NUDT18: variants seen among roughly 807,000 people sequenced by gnomAD.
NUDT18 encodes the protein nudix hydrolase 18, also known as 8-oxo-dGDP phosphatase NUDT18.
A neutral mutation model predicts 27.6 loss-of-function variants in NUDT18; 26 were observed. The observed-to-expected ratio is 0.94, with a 90% CI of 0.69 to 1.31. NUDT18 has a LOEUF of 1.31. Among genes scored for constraint, NUDT18 ranks in the 50% most tolerant of loss-of-function variants. The pLI, the probability that NUDT18 is intolerant of heterozygous loss-of-function variation, is 0.00. For synonymous variants in NUDT18, 220 were observed against 196.9 expected (o/e 1.12, Z -0.98); for missense variants, 450 against 433.4 (o/e 1.04, Z -0.34).
Position 22,107,970 on chromosome 8 carries a change from A to G in NUDT18, c.377-75T>C. 5 of 1,392,250 alleles carry G rather than the reference A, an allele frequency of 3.6e-6. No homozygotes were observed. The South Asian group carries it at 4.3e-5, about 12-fold the overall frequency. The allele number at this position is 1,392,250 out of a possible 1,614,324, so 86.2% of individuals were successfully genotyped here. On this transcript the variant is annotated intron_variant, in intron 2 of 2. Transcript: ENST00000611621. ...TGCAGCTCTGGCAGAGTCAACAGAC[A>G]TCCCTGACCCAGGAGAGAGGCCCCC...
rs1313178444 is a variant in NUDT18, at chr8:22,108,200, C to T, written c.309G>A (p.Glu103=). The change falls in exon 2 of 3, where the codon GAG becomes GAA. Residue 103 remains glutamate (E), a synonymous_variant. Coordinates refer to ENST00000611621, the MANE Select transcript of NUDT18 (RefSeq NM_024815.4). ...CCCGCTCCTCCACGGACAGCAGTGT[C>T]TCGGGCTCACAGTGCAGCCCCGCCT... is the stretch of plus-strand genomic sequence containing the variant. ...KEEAGLHCEP[E]TLLSVEERGP... 1 of 1,592,610 alleles carries T rather than the reference C, an allele frequency of 6.3e-7. No homozygotes were observed. The highest frequency in any genetic ancestry group is 8.5e-7 in the Non-Finnish European group (1 of 1,170,372).
At chr8:22,107,984 A>G (rs1489373817) in intron 2 of NUDT18, 89 bp from the exon 3 acceptor site, 2 of 1,366,426 alleles carry the variant, frequency 1.5e-6, no homozygotes, top group Non-Finnish European at 2.0e-6. Flanking sequence ...CTGACCCAGG[A>G]GAGAGGCCCC....
chr8:22,109,767 G>A (rs751127998), upstream of NUDT18: 2 of 456,082 alleles, frequency 4.4e-6, no homozygotes, highest in South Asian at 3.1e-5. Context: ...ATCCGGTGAC[G>A]TCACGGAGGC....
chr8:22,109,971 T>C (rs1826444420), upstream of NUDT18: 1 of 296,898 alleles, frequency 3.4e-6, no homozygotes, highest in Non-Finnish European at 6.7e-6. Flanking sequence ...ATGGACGGAG[T>C]CCTAGATGAG....
At position 22,109,395 on chromosome 8, in the gene NUDT18, C is replaced by CGGAGACCGCTCCCAGTCCCTGA; in HGVS notation, c.-96_-95insTCAGGGACTGGGAGCGGTCTCC. ...CTGCGGAGCCCGCTCCCAGTCCCTGCGGCAGCGGGCCGGGAGCTCACGAGA... is the reference window on the plus strand; with the variant it reads ...CTGCGGAGCCCGCTCCCAGTCCCTGCGGAGACCGCTCCCAGTCCCTGAGGCAGCGGGCCGGGAGCTCACGAGA... On this transcript the variant is annotated 5_prime_UTR_variant, in exon 1 of 3. Coordinates refer to ENST00000611621, the MANE Select transcript of NUDT18 (RefSeq NM_024815.4). The CGGAGACCGCTCCCAGTCCCTGA allele has an allele frequency of 2.5e-6, 3 of 1,200,578 alleles. No homozygotes were observed. The highest frequency in any genetic ancestry group is 3.2e-6 in the Non-Finnish European group (3 of 929,812). The allele number at this position is 1,200,578 out of a possible 1,614,324, so 74.4% of individuals were successfully genotyped here.
At position 22,109,312 on chromosome 8, in the gene NUDT18, G is replaced by C; in HGVS notation, c.-12C>G. ...CCCTCCGAGGCCATCGGGTCCCCCGGGGGGCGGCGGGCCGGATCCTCGCAG... is the reference window on the plus strand; with the variant it reads ...CCCTCCGAGGCCATCGGGTCCCCCGCGGGGCGGCGGGCCGGATCCTCGCAG... On this transcript the variant is annotated 5_prime_UTR_variant, in exon 1 of 3. Coordinates refer to ENST00000611621, the MANE Select transcript of NUDT18 (RefSeq NM_024815.4). The C allele has an allele frequency of 1.5e-6, 2 of 1,338,052 alleles. No homozygotes were observed. Among genetic ancestry groups the C allele is most frequent in the South Asian group, 1.9e-5 (1 of 52,526 alleles). 82.9% of individuals were successfully genotyped at this position (1,338,052 alleles called of 1,614,324 possible).
upstream of NUDT18, chr8:22,109,687 G>A (rs1051173317): frequency 1.9e-5 from 9 of 464,518 alleles, no homozygotes; most frequent in African/African-American, 1.8e-4. Context: ...GTCTGCAGGA[G>A]CTCCGACGGT....
At chr8:22,108,670 T>G (rs1049501081) in intron 1 of NUDT18, among the ~76,000 whole-genome samples, 30 of 152,352 alleles carry the variant, frequency 2.0e-4, no homozygotes, top group Middle Eastern at 3.4e-3. Context: ...TACCTGCCAC[T>G]GTGTATCTCT....
At chr8:22,108,424 G>C in intron 1 of NUDT18, 78 bp from the exon 2 acceptor site, 1 of 1,287,608 alleles carries the variant, frequency 7.8e-7, no homozygotes. Flanking sequence ...AAACACAGTC[G>C]CCCAAGACTC....
upstream of NUDT18, chr8:22,109,730 G>A (rs1254048482): frequency 1.1e-5 from 5 of 457,992 alleles, no homozygotes; most frequent in South Asian, 6.2e-5. Flanking sequence ...GCGTTGCGCC[G>A]CCGGGGTAGG....
rs1826400062 is a variant in NUDT18, at chr8:22,108,160, G to A, written c.349C>T (p.Arg117Cys). ...SVEERGPSWV[R>C]FVFLARPTGG... is the part of the protein sequence containing the mutation. The stretch of plus-strand genomic sequence containing the variant: ...GTGGGGCGAGCGAGGAACACGAAGC[G>A]GACCCAGGAGGGGCCCCGCTCCTCC... The change falls in exon 2 of 3, where the codon CGC becomes TGC. Residue 117 changes from arginine to cysteine, a missense_variant. Transcript: ENST00000611621. The A allele has an allele frequency of 2.6e-6, 4 of 1,549,424 alleles. No homozygotes were observed. Among genetic ancestry groups the A allele is most frequent in the Non-Finnish European group, 2.6e-6 (3 of 1,147,974 alleles).
chr8:22,109,277 C>G lies in NUDT18; in HGVS notation c.24G>C (p.Gly8=). Residue 8 remains glycine, a synonymous_variant, in exon 1 of 3, where the codon GGG becomes GGC. Coordinates refer to ENST00000611621, the MANE Select transcript of NUDT18 (RefSeq NM_024815.4). ...GGCCAGCCAGCACGGAAGCCAGCGC[C>G]CCCGCCAGGCCCTCCGAGGCCATCG... MASEGLA[G]ALASVLAGQG... is the part of the protein sequence containing the mutation. The G allele has an allele frequency of 7.2e-7, 1 of 1,388,758 alleles. No individual in the cohort carries two copies. The highest frequency in any genetic ancestry group is 9.3e-7 in the Non-Finnish European group (1 of 1,077,596). 86.0% of individuals were successfully genotyped at this position (1,388,758 alleles called of 1,614,324 possible). A position where few individuals can be genotyped will look rare whatever the true frequency, so the allele number is the denominator to read the frequency against.
At chr8:22,109,853 C>T, upstream of NUDT18, 2 of 418,558 alleles carry the variant, frequency 4.8e-6, no homozygotes, top group South Asian at 3.3e-5. Flanking sequence ...TGATCATATC[C>T]CAAATACCTT....
chr8:22,109,041 G>C, intron 1 of NUDT18, 98 bp downstream of exon 1: 2 of 941,652 alleles, frequency 2.1e-6, no homozygotes, highest in Non-Finnish European at 2.9e-6. Flanking sequence ...GAAGCGCCAC[G>C]CACGCGGCAG....
At position 22,108,317 on chromosome 8, in the gene NUDT18, C is replaced by T. The variant is rs745817407; in HGVS notation, c.192G>A (p.Lys64=). 3 of 1,584,810 alleles carry T rather than the reference C, an allele frequency of 1.9e-6. No homozygotes were observed. The highest frequency in any genetic ancestry group is 2.6e-6 in the Non-Finnish European group (3 of 1,167,372). Residue 64 remains lysine (K), a synonymous_variant, in exon 2 of 3, where the codon AAG becomes AAA. Transcript: ENST00000611621. The part of the protein sequence containing the change: ...QDEVLLIQEA[K]RECRGSWYLP... The stretch of plus-strand genomic sequence containing the variant: ...GGTACCACGACCCCCGGCACTCCCT[C>T]TTGGCCTCCTGGATCAGTAGCACCT...
intron 1 of NUDT18, among the ~76,000 whole-genome samples, chr8:22,108,751 C>T (rs965649919): frequency 6.6e-6 from 1 of 152,242 alleles, no homozygotes; most frequent in Non-Finnish European, 1.5e-5. Context: ...ACACGACCCC[C>T]ACCTCCGCTC....
At chr8:22,108,655 G>A (rs995689215) in intron 1 of NUDT18, among the ~76,000 whole-genome samples, 3 of 152,216 alleles carry the variant, frequency 2.0e-5, no homozygotes, top group African/African-American at 7.2e-5. Context: ...ATTGATTTGC[G>A]TCTGTACCTG....
chr8:22,107,653 C>A lies in NUDT18; in HGVS notation c.619G>T (p.Gly207Cys). The change falls in exon 3 of 3, where the codon GGC becomes TGC. Residue 207 changes from glycine (G) to cysteine (C), a missense_variant. Coordinates refer to ENST00000611621, the MANE Select transcript of NUDT18 (RefSeq NM_024815.4). ...TSAQTVWVLV[G>C]TVGMPHLPVT... is the part of the protein sequence containing the mutation. Reference sequence around the variant, plus strand: ...GGCAAGTGAGGCATCCCCACTGTGCCCACTAACACCCACACTGTCTGGGCG... The same window carrying A: ...GGCAAGTGAGGCATCCCCACTGTGCACACTAACACCCACACTGTCTGGGCG... 6.2e-7 allele frequency: 1 copy of A among 1,612,784 alleles called. No homozygotes were observed. Among genetic ancestry groups the A allele is most frequent in the Non-Finnish European group, 8.5e-7 (1 of 1,179,462 alleles).
At position 22,109,275 on chromosome 8, in the gene NUDT18, G is replaced by GC. The variant is rs1826424115; in HGVS notation, c.25dup (p.Ala9GlyfsTer48). On this transcript the variant is annotated frameshift_variant, in exon 1 of 3. Coordinates refer to ENST00000611621, the MANE Select transcript of NUDT18 (RefSeq NM_024815.4). LOFTEE classifies it high-confidence loss of function. Reference sequence around the variant, plus strand: ...CTGGCCAGCCAGCACGGAAGCCAGCGCCCCCGCCAGGCCCTCCGAGGCCAT... The same window carrying GC: ...CTGGCCAGCCAGCACGGAAGCCAGCGCCCCCCGCCAGGCCCTCCGAGGCCAT... 5.0e-6 allele frequency: 7 copies of GC among 1,395,736 alleles called. No individual in the cohort carries two copies. Among genetic ancestry groups the GC allele is most frequent in the Admixed American group, 3.3e-5 (1 of 30,310 alleles). 86.5% of individuals were successfully genotyped at this position (1,395,736 alleles called of 1,614,324 possible). A position where few individuals can be genotyped will look rare whatever the true frequency, so the allele number is the denominator to read the frequency against.
Sources: gnomAD v4.1 joint callset for allele counts (sites outside exome capture counted in the v4.1 genomes callset) on GRCh38, gnomAD v4.1.1 for gene constraint, MANE v1.5 for transcripts, NCBI Gene and HGNC (gene_info 2026-07-23, HGNC 2026-07-21) for gene names.